The following CIC variants were observed in gnomAD, a reference collection of about 807,000 sequenced individuals.
CIC encodes the protein protein capicua homolog.
CIC carries 18 observed loss-of-function variants against 115.7 expected under a neutral mutation model. That is an observed-to-expected ratio of 0.16 (90% CI 0.11 to 0.23). The LOEUF is 0.23. Among genes scored for constraint, CIC ranks in the 10% least tolerant of loss-of-function variants. The pLI, the probability that CIC is intolerant of heterozygous loss-of-function variation, is 1.00. For missense variants in CIC, 2,000 were observed against 2,159.3 expected (o/e 0.93, Z 1.46); for synonymous variants, 1,076 against 923.0 (o/e 1.17, Z -3.01).
At chr19:42,285,438 A>C (rs1449278440) in intron 2 of CIC, among the ~76,000 whole-genome samples, 1 of 152,162 alleles carries the variant, frequency 6.6e-6, no homozygotes. Context: ...GGACAGGGTC[A>C]TCGTAGTCTT....
At chr19:42,271,223 ACAGG>A (rs1372421262) in intron 1 of CIC, among the ~76,000 whole-genome samples, 1 of 152,162 alleles carries the variant, frequency 6.6e-6, no homozygotes, top group Non-Finnish European at 1.5e-5. Flanking sequence ...GGATCATGTG[ACAGG>A]CAGCACACTG....
rs1278011643 is a variant in CIC at position 42,292,154 on chromosome 19, A to G, written c.5682A>G (p.Thr1894=). The change falls in exon 13 of 21, where the codon ACA becomes ACG. Residue 1894 remains threonine, a synonymous_variant. Coordinates refer to ENST00000681038, the MANE Select transcript of CIC (RefSeq NM_001386298.1). ...SGLVPPLSPA[T]LPGPTSQPQK... ...TGGTGCCGCCCCTGAGCCCAGCCACACTCCCTGGACCCACCTCTCAGCCTC... is the reference window on the plus strand; with the variant it reads ...TGGTGCCGCCCCTGAGCCCAGCCACGCTCCCTGGACCCACCTCTCAGCCTC... 1 of 1,612,452 alleles carries G rather than the reference A, an allele frequency of 6.2e-7. No homozygotes were observed. Among genetic ancestry groups the G allele is most frequent in the Non-Finnish European group, 8.5e-7 (1 of 1,179,652 alleles).
Position 42,289,059 on chromosome 19 carries a change from T to TA in CIC, c.3831dup (p.Asp1278ArgfsTer38), listed in dbSNP as rs1568508872. 1.2e-6 allele frequency: 2 copies of TA among 1,613,610 alleles called. No homozygotes were observed. The highest frequency in any genetic ancestry group is 1.7e-6 in the Non-Finnish European group (2 of 1,180,004). Reference sequence around the variant, plus strand: ...GTACACAGCCTGGACGGCGGAGAAGTAGACAGTCAGGCGCTACAGGAACTG... The same window carrying TA: ...GTACACAGCCTGGACGGCGGAGAAGTAAGACAGTCAGGCGCTACAGGAACTG... On this transcript the variant is annotated frameshift_variant, in exon 8 of 21. Transcript: ENST00000681038. LOFTEE classifies it high-confidence loss of function.
intron 2 of CIC, among the ~76,000 whole-genome samples, chr19:42,285,742 C>T (rs1246501137): frequency 6.6e-6 from 1 of 152,176 alleles, no homozygotes; most frequent in African/African-American, 2.4e-5. Context: ...GGGAGCCAGG[C>T]AGTGTGAGGG....
chr19:42,275,084 A>G (rs746684843), intron 2 of CIC, among the ~76,000 whole-genome samples: 15 of 152,222 alleles, frequency 9.9e-5, no homozygotes, highest in Non-Finnish European at 2.1e-4. Flanking sequence ...ATGCTTCTTT[A>G]GAGGAAACTA....
intron 7 of CIC, among the ~76,000 whole-genome samples, chr19:42,288,187 G>C (rs1263555513): frequency 6.6e-6 from 1 of 152,222 alleles, no homozygotes; most frequent in Non-Finnish European, 1.5e-5. Context: ...CAGCAATCTC[G>C]TTATCAACTG....
intron 2 of CIC, among the ~76,000 whole-genome samples, chr19:42,281,852 G>A (rs1476962089): frequency 6.6e-6 from 1 of 152,172 alleles, no homozygotes; most frequent in Non-Finnish European, 1.5e-5. Flanking sequence ...CAGATGTGTG[G>A]GGCCCTCTTT....
At position 42,295,250 on chromosome 19, in the gene CIC, G is replaced by C; in HGVS notation, c.*59G>C. On this transcript the variant is annotated 3_prime_UTR_variant, in exon 21 of 21. Transcript: ENST00000681038. ...CCCCCTCAGGACATGGACAGTATGT[G>C]GGGGCAGGAAGGTTATCTCCTCCCG... The C allele has an allele frequency of 6.8e-7, 1 of 1,467,388 alleles. No individual in the cohort carries two copies. Among genetic ancestry groups the C allele is most frequent in the Non-Finnish European group, 9.2e-7 (1 of 1,087,710 alleles). The allele number at this position is 1,467,388 out of a possible 1,614,324, so 90.9% of individuals were successfully genotyped here. A position where few individuals can be genotyped will look rare whatever the true frequency, so the allele number is the denominator to read the frequency against.
chr19:42,277,431 T>C (rs1425557988), intron 2 of CIC, among the ~76,000 whole-genome samples: 1 of 152,184 alleles, frequency 6.6e-6, no homozygotes, highest in Non-Finnish European at 1.5e-5. Flanking sequence ...GGTTTCACCA[T>C]GTTGGCCAGG....
chr19:42,276,854 G>A (rs953555647), intron 2 of CIC, among the ~76,000 whole-genome samples: 1 of 152,088 alleles, frequency 6.6e-6, no homozygotes, highest in Non-Finnish European at 1.5e-5. Context: ...CTGGTGCAGG[G>A]GATGCTGAGG....
rs1022751186 is a variant in CIC, at chr19:42,270,857, G to T, written c.-10-917G>T. Among the ~76,000 whole-genome samples the T allele has an allele frequency of 2.0e-5, 3 of 152,150 alleles. No individual in the cohort carries two copies. Among genetic ancestry groups the T allele is most frequent in the African/African-American group, 7.2e-5 (3 of 41,434 alleles). ...TGCTTCTGTGCGTGTGTGTGTGTTT[G>T]TGCGCGTGCGTGTGCTCATGCACGG... On this transcript the variant is annotated intron_variant, in intron 1 of 20. Coordinates refer to ENST00000681038, the MANE Select transcript of CIC (RefSeq NM_001386298.1). This position sits in a 1 kb window ranked among gnomAD's most constrained non-coding sequence, Gnocchi z 4.1.
At chr19:42,269,032 G>C (rs2036662999), upstream of CIC, among the ~76,000 whole-genome samples, 1 of 152,138 alleles carries the variant, frequency 6.6e-6, no homozygotes, top group African/African-American at 2.4e-5. Flanking sequence ...TCAGGCAGTC[G>C]TAGGCTCAGG....
At position 42,290,715 on chromosome 19, in the gene CIC, C is replaced by T. The variant is rs201286462; in HGVS notation, c.4674C>T (p.Ser1558=). 1.5e-4 allele frequency: 237 copies of T among 1,612,492 alleles called. No individual in the cohort carries two copies. Among genetic ancestry groups the T allele is most frequent in the Non-Finnish European group, 1.9e-4 (227 of 1,179,738 alleles). ...EQEGGGARVP[S]APAPSLAYGA... is the part of the protein sequence containing the mutation. The stretch of plus-strand genomic sequence containing the variant: ...AGGGCGGCGGAGCCAGAGTGCCCTC[C>T]GCCCCCGCCCCATCACTGGCCTATG... Residue 1558 remains serine (S), a synonymous_variant, in exon 11 of 21, where the codon TCC becomes TCT. Coordinates refer to ENST00000681038, the MANE Select transcript of CIC (RefSeq NM_001386298.1).
rs772726191 is a variant in CIC at position 42,289,285 on chromosome 19, T to C, written c.3966T>C (p.Thr1322=). 5 of 1,613,748 alleles carry C rather than the reference T, an allele frequency of 3.1e-6. No individual in the cohort carries two copies. Among genetic ancestry groups the C allele is most frequent in the Non-Finnish European group, 4.2e-6 (5 of 1,180,026 alleles). ...GTGAGGGAGGTGCCTTGGCGGCCAC[T>C]GGGCGGCCCCCGCTGCTGCCCACCC... ...APGEGGALAA[T]GRPPLLPTRA... The change falls in exon 9 of 21, where the codon ACT becomes ACC. Residue 1322 remains threonine (T), a synonymous_variant. Coordinates refer to ENST00000681038, the MANE Select transcript of CIC (RefSeq NM_001386298.1).
At chr19:42,279,861 C>A in intron 2 of CIC, 1 of 159,826 alleles carries the variant, frequency 6.3e-6, no homozygotes, top group East Asian at 1.7e-4. Context: ...AGGAGTGAGT[C>A]TTGGTAACTG....
At chr19:42,271,345 C>T (rs2147001916) in intron 1 of CIC, among the ~76,000 whole-genome samples, 1 of 152,322 alleles carries the variant, frequency 6.6e-6, no homozygotes, top group East Asian at 1.9e-4. Flanking sequence ...CTTTTTGTGG[C>T]TCAGTTTCCT....
intron 2 of CIC, among the ~76,000 whole-genome samples, chr19:42,281,008 C>T (rs2037215647): frequency 6.6e-6 from 1 of 151,880 alleles, no homozygotes; most frequent in Non-Finnish European, 1.5e-5. Flanking sequence ...GTCCCCCTGC[C>T]TACCCCAGCC....
In CIC at chr19:42,274,000, T is replaced by C. The variant is rs2036876076; in HGVS notation, c.2217T>C (p.Phe739=). The C allele has an allele frequency of 5.0e-6, 2 of 398,754 alleles. No homozygotes were observed. Among genetic ancestry groups the C allele is most frequent in the East Asian group, 3.6e-5 (1 of 28,062 alleles). 24.7% of individuals were successfully genotyped at this position (398,754 alleles called of 1,614,324 possible). Reference sequence around the variant, plus strand: ...GGGGTGGAGGAGCCGCCCCAGACTTTCCCAAGAGTGACAGCTTAGACTCTG... The same window carrying C: ...GGGGTGGAGGAGCCGCCCCAGACTTCCCCAAGAGTGACAGCTTAGACTCTG... ...GAGGGGAAPD[F]PKSDSLDSGV... The change falls in exon 2 of 21, where the codon TTT becomes TTC. Residue 739 remains phenylalanine (F), a synonymous_variant. Transcript: ENST00000681038.
At chr19:42,274,681 G>A in intron 2 of CIC, 104 bp downstream of exon 2, 1 of 398,032 alleles carries the variant, frequency 2.5e-6, no homozygotes. Context: ...AGGGCTTCAA[G>A]GGGAGGCCGG....
Sources: gnomAD v4.1 joint callset for allele counts (sites outside exome capture counted in the v4.1 genomes callset) on GRCh38, gnomAD v4.1.1 for gene constraint, Gnocchi (gnomAD v3.1) non-coding constraint, MANE v1.5 for transcripts, NCBI Gene and HGNC (gene_info 2026-07-23, HGNC 2026-07-21) for gene names.